The following CDK14 variants were observed in gnomAD, a reference collection of about 807,000 sequenced individuals.
CDK14 encodes the protein cyclin dependent kinase 14.
Under a neutral mutation model 60.7 loss-of-function variants are expected in CDK14, and 34 were observed. That is an observed-to-expected ratio of 0.56 (90% confidence interval 0.43 to 0.75). The LOEUF is 0.75. CDK14 is among the 30% of genes least tolerant of loss of function. The probability of loss-of-function intolerance (pLI) is 0.00; values close to 1 mark genes in which losing one functional copy is unlikely to be tolerated. For missense variants in CDK14, 482 were observed against 564.1 expected (o/e 0.85, Z 1.47); for synonymous variants, 197 against 203.7 (o/e 0.97, Z 0.28).
intron 14 of CDK14, among the ~76,000 whole-genome samples, chr7:91,150,874 A>G (rs932440455): frequency 7.2e-5 from 11 of 152,132 alleles, no homozygotes; most frequent in African/African-American, 2.7e-4. Context: ...CAGATCTGTC[A>G]GGCCTTTTAG....
At chr7:90,647,719 A>T (rs1800500258) in intron 2 of CDK14, among the ~76,000 whole-genome samples, 1 of 152,188 alleles carries the variant, frequency 6.6e-6, no homozygotes, top group Non-Finnish European at 1.5e-5. Flanking sequence ...AGCCAGGTGC[A>T]GTAGCTCATG....
chr7:90,951,732 T>G (rs563359964), intron 8 of CDK14, among the ~76,000 whole-genome samples: 1 of 152,350 alleles, frequency 6.6e-6, no homozygotes, highest in East Asian at 1.9e-4. Flanking sequence ...TTGGCTGTTT[T>G]TGGAACTTGA....
At chr7:90,737,139 C>T (rs894352912) in intron 3 of CDK14, among the ~76,000 whole-genome samples, 3 of 152,170 alleles carry the variant, frequency 2.0e-5, no homozygotes, top group African/African-American at 7.2e-5. Flanking sequence ...CTCCCCTATT[C>T]CTGCCACCTC....
chr7:90,719,298 A>C (rs1419463629), intron 2 of CDK14, among the ~76,000 whole-genome samples: 1 of 152,160 alleles, frequency 6.6e-6, no homozygotes, highest in Non-Finnish European at 1.5e-5. Context: ...TCTGCCTTCA[A>C]CTAACAGTGT....
chr7:90,900,943 C>G (rs1210460663), intron 7 of CDK14, among the ~76,000 whole-genome samples: 3 of 152,192 alleles, frequency 2.0e-5, no homozygotes, highest in Non-Finnish European at 2.9e-5. Context: ...GCTGTGTTCT[C>G]TGTCCTCAGG....
intron 8 of CDK14, among the ~76,000 whole-genome samples, chr7:90,951,364 C>T (rs1249672881): frequency 6.6e-6 from 1 of 152,150 alleles, no homozygotes; most frequent in Non-Finnish European, 1.5e-5. Flanking sequence ...AAAGCTTTGG[C>T]CCATTTTCTG....
At chr7:90,773,989 C>T (rs1371790698) in intron 4 of CDK14, among the ~76,000 whole-genome samples, 1 of 149,268 alleles carries the variant, frequency 6.7e-6, no homozygotes, top group African/African-American at 2.5e-5. Flanking sequence ...CTGCAATATC[C>T]ATCTCCTGTG....
rs1791078427 is a variant in CDK14, at chr7:90,863,667, G to GGTGTGTGTGTGTGTGT, written c.639+398_639+399insGTGTGTGTGTGTGTGT. On this transcript the variant is annotated intron_variant, in intron 6 of 14. Coordinates refer to ENST00000380050, the MANE Select transcript of CDK14 (RefSeq NM_001287135.2). The stretch of plus-strand genomic sequence containing the variant: ...GGTTTCTCAAAAGCATGCTTATTAA[G>GGTGTGTGTGTGTGTGT]ATATGTGTGTGTGTGTGTGTGTGTG... Among the ~76,000 whole-genome samples the GGTGTGTGTGTGTGTGT allele has an allele frequency of 8.2e-5, 5 of 61,266 alleles. No homozygotes were observed. The South Asian group carries it at 3.6e-3, about 45-fold the overall frequency. 40.2% of individuals were successfully genotyped at this position (61,266 alleles called of 152,430 possible). A position where few individuals can be genotyped will look rare whatever the true frequency, so the allele number is the denominator to read the frequency against.
chr7:90,748,534 A>G (rs889736182), intron 4 of CDK14, among the ~76,000 whole-genome samples: 2 of 152,238 alleles, frequency 1.3e-5, no homozygotes, highest in African/African-American at 4.8e-5. Context: ...ATGTTGCAAA[A>G]TAATTTTCTA....
At chr7:91,002,419 A>G (rs1272413702) in intron 10 of CDK14, among the ~76,000 whole-genome samples, 3 of 152,126 alleles carry the variant, frequency 2.0e-5, no homozygotes, top group African/African-American at 7.2e-5. Flanking sequence ...ACCTCCATTA[A>G]AATATTTGTC....
chr7:90,700,183 T>C (rs1801751071), intron 2 of CDK14, among the ~76,000 whole-genome samples: 1 of 152,176 alleles, frequency 6.6e-6, no homozygotes, highest in Admixed American at 6.5e-5. Context: ...CACCACCGAC[T>C]CCCTGGTTCA....
chr7:91,036,259 A>C (rs1371049577), intron 10 of CDK14, among the ~76,000 whole-genome samples: 1 of 152,148 alleles, frequency 6.6e-6, no homozygotes, highest in Non-Finnish European at 1.5e-5. Flanking sequence ...AGGCTGTGGA[A>C]CTAAGGACTC....
chr7:90,630,307 T>G (rs920048073), intron 2 of CDK14, among the ~76,000 whole-genome samples: 3 of 152,176 alleles, frequency 2.0e-5, no homozygotes, highest in African/African-American at 7.2e-5. Flanking sequence ...ATTGCACACC[T>G]AAGCTATATG....
chr7:90,615,073 C>T (rs1301022707), intron 2 of CDK14, among the ~76,000 whole-genome samples: 1 of 151,950 alleles, frequency 6.6e-6, no homozygotes, highest in Non-Finnish European at 1.5e-5. Flanking sequence ...TTTTCAATAG[C>T]TACTCTAAAT....
At chr7:90,729,343 G>GTTTT (rs1563059931) in intron 3 of CDK14, among the ~76,000 whole-genome samples, 4 of 29,034 alleles carry the variant, frequency 1.4e-4, no homozygotes, top group South Asian at 1.6e-3. Flanking sequence ...TAGGTATCAA[G>GTTTT]GTTTTTTTTT....
intron 5 of CDK14, among the ~76,000 whole-genome samples, chr7:90,843,496 G>A (rs1185763999): frequency 6.6e-6 from 1 of 152,100 alleles, no homozygotes; most frequent in Non-Finnish European, 1.5e-5. Context: ...TAAAGCTCTA[G>A]ATTTTAAGGA....
intron 10 of CDK14, among the ~76,000 whole-genome samples, chr7:91,010,838 TCCCTCCCTCCCTCCCTC>T: frequency 9.6e-6 from 1 of 103,708 alleles, no homozygotes; most frequent in African/African-American, 3.8e-5. Flanking sequence ...CCTTCCTCCC[TCCCTCCCTCCCTCCCTC>T]CCTCCCTCCC....
chr7:90,799,945 A>G (rs1788576031), intron 5 of CDK14, among the ~76,000 whole-genome samples: 1 of 152,176 alleles, frequency 6.6e-6, no homozygotes, highest in African/African-American at 2.4e-5. Flanking sequence ...GGAAGGCAGC[A>G]TCCACATAGG....
At chr7:90,912,392 G>T (rs1792936489) in intron 7 of CDK14, among the ~76,000 whole-genome samples, 1 of 152,046 alleles carries the variant, frequency 6.6e-6, no homozygotes, top group South Asian at 2.1e-4. Context: ...GATTGTATTG[G>T]GTGTATAACT....
Sources: allele counts gnomAD v4.1 joint callset (sites outside exome capture counted in the v4.1 genomes callset), GRCh38; gene constraint gnomAD v4.1.1; transcripts MANE v1.5; gene names NCBI Gene and HGNC (gene_info 2026-07-23, HGNC 2026-07-21).